GRAMD1B: variants seen among roughly 807,000 people sequenced by gnomAD.
The protein encoded by GRAMD1B is GRAM domain containing 1B, also known as protein Aster-B.
In GRAMD1B, 37 loss-of-function variants were observed where a neutral mutation model predicts 99.7. That is an observed-to-expected ratio of 0.37 (90% CI 0.29 to 0.49). The LOEUF is 0.49. Among genes scored for constraint, GRAMD1B ranks in the 20% least tolerant of loss-of-function variants. GRAMD1B has a pLI of 0.98. For missense variants in GRAMD1B, 888 were observed against 1,009.2 expected, an observed-to-expected ratio of 0.88 and a Z score of 1.63; for synonymous variants, 427 against 387.6, an observed-to-expected ratio of 1.10 and a Z score of -1.19.
At chr11:123,435,441 T>A (rs1031203909) in intron 1 of GRAMD1B, 4 of 702,676 alleles carry the variant, frequency 5.7e-6, no homozygotes, top group African/African-American at 5.2e-5. Flanking sequence ...AAGCTCAAGC[T>A]TGCGGATTTT....
intron 1 of GRAMD1B, among the ~76,000 whole-genome samples, chr11:123,442,087 C>T (rs1949434598): frequency 6.6e-6 from 1 of 152,134 alleles, no homozygotes. Context: ...TCCCCACACA[C>T]CAAGAAGTTC....
At chr11:123,450,501 G>A (rs541631996) in intron 1 of GRAMD1B, among the ~76,000 whole-genome samples, 1 of 152,292 alleles carries the variant, frequency 6.6e-6, no homozygotes, top group South Asian at 2.1e-4. Context: ...GGGGTAGAGA[G>A]ACTGTCAGCA....
chr11:123,607,690 C>T (rs1336985352), intron 11 of GRAMD1B: 2 of 2,982 alleles, frequency 6.7e-4, no homozygotes, highest in African/African-American at 1.3e-3. Flanking sequence ...TAGGACTTGA[C>T]CCCTACAGGG....
At chr11:123,433,729 GA>G (rs1344579813) in intron 1 of GRAMD1B, among the ~76,000 whole-genome samples, 19 of 151,364 alleles carry the variant, frequency 1.3e-4, no homozygotes, top group Middle Eastern at 3.4e-3. Flanking sequence ...TGTGTATGAA[GA>G]AAAAAATCTT....
chr11:123,455,379 G>A (rs1431866734), intron 1 of GRAMD1B, among the ~76,000 whole-genome samples: 6 of 152,064 alleles, frequency 3.9e-5, no homozygotes, highest in South Asian at 2.1e-4. Context: ...TGCCTTCCTC[G>A]GCCTCCCAGT....
intron 1 of GRAMD1B, among the ~76,000 whole-genome samples, chr11:123,457,097 G>C: frequency 6.7e-6 from 1 of 149,548 alleles, no homozygotes; most frequent in East Asian, 2.0e-4. Flanking sequence ...GGGTGACAGA[G>C]AGAGACCCTT....
intron 2 of GRAMD1B, chr11:123,560,305 GAA>G (rs1946595604): frequency 1.7e-6 from 2 of 1,148,222 alleles, no homozygotes; most frequent in Non-Finnish European, 1.1e-6. Context: ...GGGAGAGAGA[GAA>G]AGGGAGCCAG....
chr11:123,473,530 C>T (rs1951116040), intron 1 of GRAMD1B, among the ~76,000 whole-genome samples: 1 of 152,176 alleles, frequency 6.6e-6, no homozygotes, highest in Non-Finnish European at 1.5e-5. Flanking sequence ...TCCTCAACCT[C>T]CCAAAATGCT....
chr11:123,452,722 A>G (rs566135660), intron 1 of GRAMD1B, among the ~76,000 whole-genome samples: 10 of 152,288 alleles, frequency 6.6e-5, no homozygotes, highest in South Asian at 4.2e-4. Context: ...TTTACTCTCA[A>G]TATTAGGTCT....
intron 1 of GRAMD1B, among the ~76,000 whole-genome samples, chr11:123,363,809 A>C (rs999669338): frequency 1.3e-5 from 2 of 152,216 alleles, no homozygotes; most frequent in Non-Finnish European, 2.9e-5. Context: ...ATAATGATGC[A>C]CATCTAGTAC....
At chr11:123,398,038 A>G (rs978463621) in intron 1 of GRAMD1B, among the ~76,000 whole-genome samples, 3 of 152,202 alleles carry the variant, frequency 2.0e-5, no homozygotes, top group African/African-American at 7.2e-5. Context: ...TTAAACTGCT[A>G]AGAACATTTA....
In GRAMD1B at chr11:123,560,173, A is replaced by ACGTGTGTG. The variant is rs3062443; in HGVS notation, c.453-17183_453-17176dup. On this transcript the variant is annotated intron_variant, in intron 2 of 19. Coordinates refer to ENST00000635736, the MANE Select transcript of GRAMD1B (RefSeq NM_001387025.1). ...GTTGCATTATGTAAACCGGCAGGCG[A>ACGTGTGTG]CGTGTGTGCGTGTGTGCGCGTGTGC... 2.8e-5 allele frequency: 28 copies of ACGTGTGTG among 1,008,244 alleles called. No homozygotes were observed. The East Asian group carries it at 6.2e-4, about 22-fold the overall frequency. 62.5% of individuals were successfully genotyped at this position (1,008,244 alleles called of 1,614,324 possible). A position where few individuals can be genotyped will look rare whatever the true frequency, so the allele number is the denominator to read the frequency against.
chr11:123,457,834 G>A (rs1188878293), intron 1 of GRAMD1B, among the ~76,000 whole-genome samples: 1 of 152,170 alleles, frequency 6.6e-6, no homozygotes, highest in Non-Finnish European at 1.5e-5. Flanking sequence ...TCCTACCTCA[G>A]CTTCTGAGTA....
chr11:123,514,665 G>T (rs1941499146), intron 2 of GRAMD1B, among the ~76,000 whole-genome samples: 1 of 152,188 alleles, frequency 6.6e-6, no homozygotes, highest in South Asian at 2.1e-4. Context: ...CAGAAGCAGG[G>T]AGCTGAAGCG....
chr11:123,473,629 T>G (rs1323769603), intron 1 of GRAMD1B, among the ~76,000 whole-genome samples: 4 of 152,178 alleles, frequency 2.6e-5, no homozygotes, highest in African/African-American at 9.7e-5. Flanking sequence ...GGAAGATATT[T>G]AGCTGGATTT....
chr11:123,407,851 G>A (rs1021132876), intron 1 of GRAMD1B, among the ~76,000 whole-genome samples: 8 of 152,290 alleles, frequency 5.3e-5, no homozygotes, highest in African/African-American at 1.9e-4. Flanking sequence ...AAAAAGCAAA[G>A]CCTCAGCTCC....
intron 4 of GRAMD1B, among the ~76,000 whole-genome samples, chr11:123,585,778 G>A (rs1050824473): frequency 7.9e-5 from 12 of 152,200 alleles, no homozygotes; most frequent in Non-Finnish European, 8.8e-5. Flanking sequence ...CAGGACCCAC[G>A]TGGCTGCAGG....
At chr11:123,443,388 G>A (rs1004576497) in intron 1 of GRAMD1B, among the ~76,000 whole-genome samples, 8 of 152,152 alleles carry the variant, frequency 5.3e-5, no homozygotes, top group African/African-American at 1.4e-4. Flanking sequence ...GGCATCAAGA[G>A]GTTCTGAGAA....
intron 2 of GRAMD1B, among the ~76,000 whole-genome samples, chr11:123,548,180 C>T (rs1403209878): frequency 2.0e-5 from 3 of 151,384 alleles, no homozygotes; most frequent in Non-Finnish European, 2.9e-5. Context: ...GTGGGTGAGT[C>T]GGTGTCTGCA....
Sources: gnomAD v4.1 joint callset for allele counts (sites outside exome capture counted in the v4.1 genomes callset) on GRCh38, gnomAD v4.1.1 for gene constraint, MANE v1.5 for transcripts, NCBI Gene and HGNC (gene_info 2026-07-23, HGNC 2026-07-21) for gene names.